Variants in KIRREL3 observed in about 807,000 individuals in gnomAD.
KIRREL3 encodes kirre like nephrin family adhesion molecule 3.
A neutral mutation model predicts 89.7 loss-of-function variants in KIRREL3; 36 were observed. The observed-to-expected ratio is 0.40, with a 90% CI of 0.31 to 0.53. The LOEUF (loss-of-function observed/expected upper bound fraction) is 0.53. KIRREL3 is among the 20% of genes least tolerant of loss of function. The pLI, the probability that KIRREL3 is intolerant of heterozygous loss-of-function variation, is 0.49. For missense variants in KIRREL3, 864 were observed against 1,056.6 expected (o/e 0.82, Z 2.53); for synonymous variants, 445 against 441.4 (o/e 1.01, Z -0.10).
intron 1 of KIRREL3, among the ~76,000 whole-genome samples, chr11:126,816,842 C>G (rs1001760891): frequency 3.9e-5 from 6 of 152,138 alleles, no homozygotes; most frequent in Non-Finnish European, 8.8e-5. Context: ...AGGAAACAAA[C>G]GCAGGGAAGA....
Position 126,530,151 on chromosome 11 carries a change from T to A in KIRREL3, c.134-3464A>T, listed in dbSNP as rs1360609824. 6.6e-6 allele frequency among the ~76,000 whole-genome samples: 1 copy of A among 152,182 alleles called. No individual in the cohort carries two copies. The highest frequency in any genetic ancestry group is 1.5e-5 in the Non-Finnish European group (1 of 68,026). The stretch of plus-strand genomic sequence containing the variant: ...CCCAGGCTGGAGTTCAGTGGGGCAA[T>A]CTTGGCTCACTGCAACCTTTGCCTC... On this transcript the variant is annotated intron_variant, in intron 2 of 16. Coordinates refer to ENST00000525144, the MANE Select transcript of KIRREL3 (RefSeq NM_032531.4). The surrounding 1 kb of genome is among the most constrained non-coding windows in gnomAD (Gnocchi z 5.8).
rs1037475197 is a variant in KIRREL3 at position 126,558,542 on chromosome 11, GC to G, written c.133+4292del. 6.6e-6 allele frequency among the ~76,000 whole-genome samples: 1 copy of G among 152,184 alleles called. No individual in the cohort carries two copies. The highest frequency in any genetic ancestry group is 6.5e-5 in the Admixed American group (1 of 15,286). ...TGGCTCTTCCAGCCACTTCATATGG[GC>G]CCCGGGCAAGTTGCTGCATGCTCTT... On this transcript the variant is annotated intron_variant, in intron 2 of 16. Coordinates refer to ENST00000525144, the MANE Select transcript of KIRREL3 (RefSeq NM_032531.4). The surrounding 1 kb of genome is among the most constrained non-coding windows in gnomAD (Gnocchi z 4.0).
At chr11:126,848,742 C>T (rs1266618966) in intron 1 of KIRREL3, among the ~76,000 whole-genome samples, 1 of 152,138 alleles carries the variant, frequency 6.6e-6, no homozygotes, top group African/African-American at 2.4e-5. Flanking sequence ...AAATTGAATG[C>T]TTATCACTCT....
In KIRREL3 at chr11:126,624,161, T is replaced by C. The variant is rs58548813; in HGVS notation, c.56-61249A>G. Among the ~76,000 whole-genome samples the C allele has an allele frequency of 8.7e-3, 1,325 of 152,112 alleles. 24 individuals are homozygous for C. Among genetic ancestry groups the C allele is most frequent in the African/African-American group, 0.029 (1,220 of 41,468 alleles). ...AAGGAAAATGGCATTTTGGGTCAAG[T>C]CACTAGGAATGAAGAACTAGAATAC... On this transcript the variant is annotated intron_variant, in intron 1 of 16. Coordinates refer to ENST00000525144, the MANE Select transcript of KIRREL3 (RefSeq NM_032531.4). This position sits in a 1 kb window ranked among gnomAD's most constrained non-coding sequence, Gnocchi z 6.0.
At chr11:126,681,089 C>T (rs557453307) in intron 1 of KIRREL3, among the ~76,000 whole-genome samples, 1 of 152,268 alleles carries the variant, frequency 6.6e-6, no homozygotes, top group East Asian at 1.9e-4. Context: ...AAAATGTTTT[C>T]CTGCAGCAAT....
In KIRREL3 at chr11:126,685,822, C is replaced by T. The variant is rs984745235; in HGVS notation, c.56-122910G>A. The stretch of plus-strand genomic sequence containing the variant: ...AGTGATGTTTGCCAGAGTGGCTCCA[C>T]GCCCCTTGGGGGCAGATGGCCGACC... On this transcript the variant is annotated intron_variant, in intron 1 of 16. Coordinates refer to ENST00000525144, the MANE Select transcript of KIRREL3 (RefSeq NM_032531.4). The surrounding 1 kb of genome is among the most constrained non-coding windows in gnomAD (Gnocchi z 5.5). 2.2e-4 allele frequency among the ~76,000 whole-genome samples: 33 copies of T among 152,240 alleles called. No homozygotes were observed. Among genetic ancestry groups the T allele is most frequent in the Non-Finnish European group, 4.4e-4 (30 of 68,040 alleles).
In KIRREL3 at chr11:126,635,352, A is replaced by T. The variant is rs1368155374; in HGVS notation, c.56-72440T>A. 1.3e-5 allele frequency among the ~76,000 whole-genome samples: 2 copies of T among 152,230 alleles called. No individual in the cohort carries two copies. The highest frequency in any genetic ancestry group is 4.8e-5 in the African/African-American group (2 of 41,454). ...TTTCCTCCCTGGTCCCACATAGGTG[A>T]GTGATATATACAGAGGTTAGACCTC... On this transcript the variant is annotated intron_variant, in intron 1 of 16. Transcript: ENST00000525144. The surrounding 1 kb of genome is among the most constrained non-coding windows in gnomAD (Gnocchi z 4.0).
rs890611424 is a variant in KIRREL3, at chr11:126,683,071, G to A, written c.56-120159C>T. Among the ~76,000 whole-genome samples the A allele has an allele frequency of 6.6e-6, 1 of 152,060 alleles. No individual in the cohort carries two copies. The highest frequency in any genetic ancestry group is 1.5e-5 in the Non-Finnish European group (1 of 68,006). On this transcript the variant is annotated intron_variant, in intron 1 of 16. Transcript: ENST00000525144. The surrounding 1 kb of genome is among the most constrained non-coding windows in gnomAD (Gnocchi z 5.2). ...AGGTCTCACCATGTTGCCTAGGCTG[G>A]TTTTGACCCCCTGAACTCCAGTGAT...
chr11:126,465,468 T>C (rs1956691890), intron 5 of KIRREL3, among the ~76,000 whole-genome samples: 1 of 152,144 alleles, frequency 6.6e-6, no homozygotes, highest in Non-Finnish European at 1.5e-5. Context: ...ATGGGAACAG[T>C]TAGGGCCACA....
rs1037751188 is a variant in KIRREL3 at position 126,532,800 on chromosome 11, A to C, written c.134-6113T>G. On this transcript the variant is annotated intron_variant, in intron 2 of 16. Transcript: ENST00000525144. ...AGTAACACTGAAACGGTTGAGGGTA[A>C]AGTTTAGTACTGGCCACCATAGGAA... is the stretch of plus-strand genomic sequence containing the variant. Among the ~76,000 whole-genome samples the C allele has an allele frequency of 9.9e-5, 15 of 152,260 alleles. No homozygotes were observed. The South Asian group carries it at 1.0e-3, about 11-fold the overall frequency.
chr11:126,882,513 G>T (rs1386826062), intron 1 of KIRREL3, among the ~76,000 whole-genome samples: 6 of 133,012 alleles, frequency 4.5e-5, no homozygotes, highest in Non-Finnish European at 6.2e-5. Flanking sequence ...CAGGAGAAAC[G>T]CTCTGGCTCC....
intron 1 of KIRREL3, among the ~76,000 whole-genome samples, chr11:126,644,827 A>T (rs1022965070): frequency 2.0e-5 from 3 of 152,232 alleles, no homozygotes; most frequent in African/African-American, 7.2e-5. Flanking sequence ...ATAATAATCT[A>T]TAGATGTACA....
In KIRREL3 at chr11:126,490,781, C is replaced by T. The variant is rs1957490237; in HGVS notation, c.434-17315G>A. The stretch of plus-strand genomic sequence containing the variant: ...GTCTCCCAAAGAATGGGTCTGCCTT[C>T]TTCATCTCTTGCGAGTCTGGGACTC... On this transcript the variant is annotated intron_variant, in intron 4 of 16. Coordinates refer to ENST00000525144, the MANE Select transcript of KIRREL3 (RefSeq NM_032531.4). This position sits in a 1 kb window ranked among gnomAD's most constrained non-coding sequence, Gnocchi z 4.2. Among the ~76,000 whole-genome samples, 1 of 152,164 alleles carries T rather than the reference C, an allele frequency of 6.6e-6. No individual in the cohort carries two copies. The highest frequency in any genetic ancestry group is 2.1e-4 in the South Asian group (1 of 4,832).
intron 1 of KIRREL3, among the ~76,000 whole-genome samples, chr11:126,944,037 C>A (rs1382574766): frequency 2.0e-5 from 3 of 152,110 alleles, no homozygotes; most frequent in African/African-American, 7.2e-5. Flanking sequence ...ATTCCAGGTG[C>A]CCTCCCTACC....
rs565359566 is a variant in KIRREL3, at chr11:126,491,068, G to A, written c.434-17602C>T. Among the ~76,000 whole-genome samples the A allele has an allele frequency of 6.6e-6, 1 of 152,344 alleles. No homozygotes were observed. The highest frequency in any genetic ancestry group is 1.5e-5 in the Non-Finnish European group (1 of 68,028). ...CCCGTAGTGGAAAGGGGTCCTATGTGAACAGAAGGGAGGGCTTCAGATAAT... is the reference window on the plus strand; with the variant it reads ...CCCGTAGTGGAAAGGGGTCCTATGTAAACAGAAGGGAGGGCTTCAGATAAT... On this transcript the variant is annotated intron_variant, in intron 4 of 16. Transcript: ENST00000525144. The surrounding 1 kb of genome is among the most constrained non-coding windows in gnomAD (Gnocchi z 5.5).
At position 126,636,766 on chromosome 11, in the gene KIRREL3, A is replaced by G. The variant is rs1944279518; in HGVS notation, c.56-73854T>C. On this transcript the variant is annotated intron_variant, in intron 1 of 16. Coordinates refer to ENST00000525144, the MANE Select transcript of KIRREL3 (RefSeq NM_032531.4). This position sits in a 1 kb window ranked among gnomAD's most constrained non-coding sequence, Gnocchi z 4.4. ...ACCACCTCAGAACAGCAGGGGATGC[A>G]GCAATAATGCCAACTAGGAGTCCGG... Among the ~76,000 whole-genome samples the G allele has an allele frequency of 6.6e-6, 1 of 152,202 alleles. No individual in the cohort carries two copies.
At chr11:126,949,157 G>A (rs920692889) in intron 1 of KIRREL3, among the ~76,000 whole-genome samples, 1 of 152,108 alleles carries the variant, frequency 6.6e-6, no homozygotes, top group South Asian at 2.1e-4. Flanking sequence ...TGAATTTGCT[G>A]GGTCTACAGG....
Position 126,669,841 on chromosome 11 carries a change from T to C in KIRREL3, c.56-106929A>G, listed in dbSNP as rs1489337343. On this transcript the variant is annotated intron_variant, in intron 1 of 16. Transcript: ENST00000525144. This position sits in a 1 kb window ranked among gnomAD's most constrained non-coding sequence, Gnocchi z 5.0. ...TAGAGTCAACTGTCTTCCTAAATCT[T>C]TTTTTGGAGGTCTAATAATTACCGA... Among the ~76,000 whole-genome samples, 1 of 152,194 alleles carries C rather than the reference T, an allele frequency of 6.6e-6. No homozygotes were observed. The highest frequency in any genetic ancestry group is 1.5e-5 in the Non-Finnish European group (1 of 68,044).
rs994996303 is a variant in KIRREL3, at chr11:126,946,449, A to G, written c.55+54006T>C. ...AATAAAATGCTATTAGACTTTATTT[A>G]CACACAGTTGAAAAAGGACTAATAC... On this transcript the variant is annotated intron_variant, in intron 1 of 16. Transcript: ENST00000525144. The surrounding 1 kb of genome is among the most constrained non-coding windows in gnomAD (Gnocchi z 4.1). Among the ~76,000 whole-genome samples, 1 of 152,226 alleles carries G rather than the reference A, an allele frequency of 6.6e-6. No homozygotes were observed. The highest frequency in any genetic ancestry group is 2.4e-5 in the African/African-American group (1 of 41,454).
Sources: gnomAD v4.1 joint callset for allele counts (sites outside exome capture counted in the v4.1 genomes callset) on GRCh38, gnomAD v4.1.1 for gene constraint, Gnocchi (gnomAD v3.1) non-coding constraint, MANE v1.5 for transcripts, NCBI Gene and HGNC (gene_info 2026-07-23, HGNC 2026-07-21) for gene names.